The following DOCK5 variants were observed in gnomAD, a reference collection of about 807,000 sequenced individuals.
DOCK5 encodes the protein dedicator of cytokinesis 5.
Under a neutral mutation model 251.8 loss-of-function variants are expected in DOCK5, and 142 were observed. That is an observed-to-expected ratio of 0.56 (90% CI 0.49 to 0.65). DOCK5 has a LOEUF of 0.65. Ranked by LOEUF, DOCK5 falls within the 30% of genes least tolerant of loss-of-function variation. DOCK5 has a pLI of 0.00. For synonymous variants in DOCK5, 842 were observed against 835.5 expected (o/e 1.01, Z -0.13); for missense variants, 2,111 against 2,312.3 (o/e 0.91, Z 1.79).
intron 1 of DOCK5, among the ~76,000 whole-genome samples, chr8:25,195,517 G>A (rs138778660): frequency 4.5e-4 from 68 of 152,132 alleles, no homozygotes; most frequent in Non-Finnish European, 7.9e-4. Flanking sequence ...CAGACCTGCC[G>A]CCTCCCTCTT....
At position 25,368,582 on chromosome 8, in the gene DOCK5, A is replaced by G; in HGVS notation, c.3295A>G (p.Ile1099Val). ...DMWYNLGPHK[I>V]KFIPSMVGPI... ...CACTTTCATTTCAGGTCCCCACAAA[A>G]TCAAATTCATCCCATCCATGGTGGG... Residue 1099 changes from isoleucine (I) to valine (V), a missense_variant, in exon 33 of 52, where the codon ATC (isoleucine) becomes GTC (valine). Ile to Val is a conservative substitution (Grantham distance 29). Coordinates refer to ENST00000276440, the MANE Select transcript of DOCK5 (RefSeq NM_024940.8). 6.3e-7 allele frequency: 1 copy of G among 1,596,988 alleles called. No homozygotes were observed. Among genetic ancestry groups the G allele is most frequent in the Non-Finnish European group, 8.5e-7 (1 of 1,172,638 alleles).
At chr8:25,333,974 A>G in intron 20 of DOCK5, 122 bp from the exon 21 acceptor site, 2 of 711,634 alleles carry the variant, frequency 2.8e-6, no homozygotes, top group South Asian at 1.6e-5. Flanking sequence ...GGAATAGTAG[A>G]GTGGGAATGC....
chr8:25,398,378 A>G (rs2117331101), intron 45 of DOCK5, among the ~76,000 whole-genome samples: 1 of 152,278 alleles, frequency 6.6e-6, no homozygotes, highest in South Asian at 2.1e-4. Flanking sequence ...AATGTATTAT[A>G]TTGTCATGCT....
At chr8:25,373,474 C>A in intron 35 of DOCK5, 144 bp from the exon 36 acceptor site, 1 of 782,342 alleles carries the variant, frequency 1.3e-6, no homozygotes, top group Non-Finnish European at 2.1e-6. Context: ...ATCCCCTTTT[C>A]TTATGGGGAT....
intron 15 of DOCK5, among the ~76,000 whole-genome samples, chr8:25,320,425 TA>T (rs1258954828): frequency 6.6e-6 from 1 of 152,258 alleles, no homozygotes; most frequent in Admixed American, 6.5e-5. Flanking sequence ...TCAATGCATA[TA>T]AATTCTTCAG....
At chr8:25,342,639 G>T in intron 25 of DOCK5, 132 bp downstream of exon 25, 1 of 364,622 alleles carries the variant, frequency 2.7e-6, no homozygotes. Context: ...TGAGATGACA[G>T]CCCCATTTCT....
intron 5 of DOCK5, among the ~76,000 whole-genome samples, chr8:25,282,599 C>T (rs1052608885): frequency 1.3e-5 from 2 of 152,100 alleles, no homozygotes; most frequent in Non-Finnish European, 2.9e-5. Context: ...TGGCTCACGC[C>T]TGTAATCCCA....
At chr8:25,395,393 C>T (rs1387947800) in intron 44 of DOCK5, 150 bp from the exon 45 acceptor site, 3 of 835,508 alleles carry the variant, frequency 3.6e-6, no homozygotes, top group African/African-American at 3.5e-5. Flanking sequence ...TTTTGGGACC[C>T]CTGCTATAAG....
chr8:25,370,306 T>G (rs951793508), intron 34 of DOCK5, among the ~76,000 whole-genome samples: 2 of 152,236 alleles, frequency 1.3e-5, no homozygotes, highest in African/African-American at 4.8e-5. Flanking sequence ...TCGCCACATA[T>G]TAAGAGTTTG....
At chr8:25,240,999 T>A (rs543815761) in intron 1 of DOCK5, among the ~76,000 whole-genome samples, 1 of 152,322 alleles carries the variant, frequency 6.6e-6, no homozygotes, top group African/African-American at 2.4e-5. Flanking sequence ...TGTCGCCTTC[T>A]CTCAGGTGTG....
intron 1 of DOCK5, among the ~76,000 whole-genome samples, chr8:25,223,009 G>A (rs1385170324): frequency 1.3e-5 from 2 of 152,092 alleles, no homozygotes; most frequent in Admixed American, 6.6e-5. Flanking sequence ...TCCTGGAACC[G>A]AGGAGCTAAT....
intron 16 of DOCK5, 148 bp downstream of exon 16, chr8:25,321,200 G>T (rs1805415883): frequency 1.5e-6 from 1 of 689,632 alleles, no homozygotes; most frequent in South Asian, 1.8e-5. Flanking sequence ...AAGGAAATCA[G>T]CATAATGAAT....
intron 5 of DOCK5, among the ~76,000 whole-genome samples, chr8:25,289,494 A>G (rs1362441960): frequency 6.6e-6 from 1 of 151,858 alleles, no homozygotes; most frequent in African/African-American, 2.4e-5. Flanking sequence ...ATGTTTTCTT[A>G]TAATTTCAGA....
chr8:25,343,687 G>A (rs1800300051), intron 25 of DOCK5, among the ~76,000 whole-genome samples: 1 of 152,154 alleles, frequency 6.6e-6, no homozygotes, highest in Admixed American at 6.5e-5. Context: ...CAGGAGAGCT[G>A]GTTACATGCA....
At chr8:25,320,516 G>A (rs548025432) in intron 15 of DOCK5, among the ~76,000 whole-genome samples, 68 of 152,264 alleles carry the variant, frequency 4.5e-4, no homozygotes, top group Non-Finnish European at 8.2e-4. Context: ...ATCTCTGCTC[G>A]TTTGAGTGCC....
chr8:25,222,336 C>G (rs1802413378), intron 1 of DOCK5, among the ~76,000 whole-genome samples: 1 of 152,068 alleles, frequency 6.6e-6, no homozygotes, highest in African/African-American at 2.4e-5. Context: ...GTTTCCAAAC[C>G]CTGTCTTTAA....
chr8:25,254,782 AC>A (rs374920853), intron 2 of DOCK5, among the ~76,000 whole-genome samples: 28,677 of 74,722 alleles, frequency 0.38, 12,783 homozygotes, highest in Non-Finnish European at 0.49. Context: ...TCAAAAAAAA[AC>A]AAAACAAAAC....
rs761642043 is a variant in DOCK5 at position 25,336,377 on chromosome 8, A to C, written c.2327+4A>C. 5.0e-6 allele frequency: 8 copies of C among 1,613,122 alleles called. No individual in the cohort carries two copies. In the South Asian group the frequency reaches 8.8e-5, roughly 18 times the overall value. On this transcript the variant is annotated splice_donor_region_variant and intron_variant, in intron 22 of 51. Coordinates refer to ENST00000276440, the MANE Select transcript of DOCK5 (RefSeq NM_024940.8). ...AATCCCGAGTGCTCTACTTGAGGTA[A>C]TGTTAACTGCAGTGAAGATGTTTAG...
At chr8:25,350,873 C>T (rs1031349943) in intron 26 of DOCK5, among the ~76,000 whole-genome samples, 1 of 152,074 alleles carries the variant, frequency 6.6e-6, no homozygotes, top group Non-Finnish European at 1.5e-5. Flanking sequence ...AATACCATCA[C>T]GATGGGGGTT....
Sources: gnomAD v4.1 joint callset for allele counts (sites outside exome capture counted in the v4.1 genomes callset) on GRCh38, gnomAD v4.1.1 for gene constraint, MANE v1.5 for transcripts, NCBI Gene and HGNC (gene_info 2026-07-23, HGNC 2026-07-21) for gene names.